Variants in PDE10A observed in about 807,000 individuals in gnomAD.
PDE10A encodes the protein phosphodiesterase 10A, also known as cAMP and cAMP-inhibited cGMP 3',5'-cyclic phosphodiesterase 10A.
In PDE10A, 39 loss-of-function variants were observed where a neutral mutation model predicts 97.7. The ratio of observed to expected loss-of-function variants is 0.40; its 90% CI spans 0.31 to 0.52. The LOEUF (loss-of-function observed/expected upper bound fraction) is 0.52. PDE10A is among the 20% of genes least tolerant of loss of function. PDE10A has a pLI of 0.56. For synonymous variants in PDE10A, 371 were observed against 376.8 expected, an observed-to-expected ratio of 0.98 and a Z score of 0.18; for missense variants, 731 against 1,047.8, an observed-to-expected ratio of 0.70 and a Z score of 4.17.
At chr6:165,538,324 T>C (rs1048759747) in intron 2 of PDE10A, among the ~76,000 whole-genome samples, 2 of 152,056 alleles carry the variant, frequency 1.3e-5, no homozygotes, top group African/African-American at 4.8e-5. Context: ...TACTAATTAT[T>C]TGAATTTATA....
At chr6:165,897,761 G>T (rs1415310381) in intron 1 of PDE10A, among the ~76,000 whole-genome samples, 1 of 151,890 alleles carries the variant, frequency 6.6e-6, no homozygotes, top group Non-Finnish European at 1.5e-5. Context: ...GCCTGTGGGT[G>T]CCTTTTCTCC....
At chr6:165,615,158 C>T (rs1273469655) in intron 1 of PDE10A, among the ~76,000 whole-genome samples, 2 of 146,550 alleles carry the variant, frequency 1.4e-5, no homozygotes, top group Admixed American at 6.9e-5. Context: ...TGCAGTGAGC[C>T]GAGATCACAC....
intron 2 of PDE10A, among the ~76,000 whole-genome samples, chr6:165,521,069 T>C (rs1782100234): frequency 6.6e-6 from 1 of 152,196 alleles, no homozygotes; most frequent in African/African-American, 2.4e-5. Context: ...ACTTGGTGTC[T>C]GTGTGTCAAA....
intron 1 of PDE10A, among the ~76,000 whole-genome samples, chr6:165,640,471 C>G (rs977035596): frequency 2.6e-5 from 4 of 152,084 alleles, no homozygotes; most frequent in Non-Finnish European, 5.9e-5. Context: ...TCAGGTAACT[C>G]CAAAATGGGA....
At chr6:165,886,292 C>CAGGCCTGG (rs1781630840) in intron 1 of PDE10A, among the ~76,000 whole-genome samples, 1 of 149,832 alleles carries the variant, frequency 6.7e-6, no homozygotes, top group East Asian at 2.0e-4. Context: ...TGGAGTCCTG[C>CAGGCCTGG]AGCCCTGGAG....
intron 5 of PDE10A, among the ~76,000 whole-genome samples, chr6:165,445,257 T>G (rs1790761549): frequency 6.6e-6 from 1 of 152,248 alleles, no homozygotes; most frequent in Non-Finnish European, 1.5e-5. Flanking sequence ...ATTTGAAATT[T>G]ATTTAAAGGC....
chr6:165,355,053 T>G (rs1396790190), intron 18 of PDE10A, among the ~76,000 whole-genome samples: 2 of 152,198 alleles, frequency 1.3e-5, no homozygotes, highest in Non-Finnish European at 2.9e-5. Context: ...CACCTCACAG[T>G]GAGATAAGAT....
At chr6:165,567,192 C>T (rs756500295) in intron 1 of PDE10A, among the ~76,000 whole-genome samples, 4 of 152,034 alleles carry the variant, frequency 2.6e-5, no homozygotes, top group Non-Finnish European at 5.9e-5. Context: ...AGAAACCAGA[C>T]ACAAAAGATA....
chr6:165,935,987 C>A (rs1327741141), intron 1 of PDE10A, among the ~76,000 whole-genome samples: 1 of 152,196 alleles, frequency 6.6e-6, no homozygotes, highest in Admixed American at 6.5e-5. Context: ...CAGCACAAAA[C>A]AAACTAAGAC....
intron 1 of PDE10A, among the ~76,000 whole-genome samples, chr6:165,676,660 C>G (rs1790804359): frequency 6.6e-6 from 1 of 152,186 alleles, no homozygotes. Flanking sequence ...GTGACCCGGC[C>G]AGCTCACGGG....
At chr6:165,764,273 T>C (rs1392071042) in intron 1 of PDE10A, among the ~76,000 whole-genome samples, 1 of 152,236 alleles carries the variant, frequency 6.6e-6, no homozygotes, top group Non-Finnish European at 1.5e-5. Context: ...AAGGATAATA[T>C]TAGTGCTTTC....
chr6:165,744,006 C>T (rs573798001), intron 1 of PDE10A, among the ~76,000 whole-genome samples: 2 of 152,240 alleles, frequency 1.3e-5, no homozygotes, highest in South Asian at 2.1e-4. Context: ...ACTGTGACTT[C>T]GGAGAATGAT....
At chr6:165,505,417 G>A (rs2128297560) in intron 2 of PDE10A, among the ~76,000 whole-genome samples, 1 of 152,070 alleles carries the variant, frequency 6.6e-6, no homozygotes, top group Non-Finnish European at 1.5e-5. Flanking sequence ...AACATAATAA[G>A]CCAACCACTG....
chr6:165,744,734 G>A (rs1792806369), intron 1 of PDE10A, among the ~76,000 whole-genome samples: 1 of 151,952 alleles, frequency 6.6e-6, no homozygotes, highest in African/African-American at 2.4e-5. Context: ...CCCTTGGGGT[G>A]TTATGTGATG....
chr6:165,679,568 C>G (rs528110371), intron 1 of PDE10A, among the ~76,000 whole-genome samples: 4 of 152,350 alleles, frequency 2.6e-5, no homozygotes, highest in African/African-American at 9.6e-5. Flanking sequence ...CCCACACTGT[C>G]ACAGCACAGG....
At chr6:165,341,820 G>A (rs73788353) in intron 19 of PDE10A, among the ~76,000 whole-genome samples, 2,147 of 152,262 alleles carry the variant, frequency 0.014, 54 homozygotes, top group East Asian at 0.091. Context: ...CAAGAACCAC[G>A]AGAGATCACT....
intron 1 of PDE10A, among the ~76,000 whole-genome samples, chr6:165,793,369 A>G (rs1036324274): frequency 4.0e-5 from 6 of 151,476 alleles, no homozygotes; most frequent in Non-Finnish European, 7.4e-5. Context: ...CTGTCATCAG[A>G]AAAAAAAATA....
chr6:165,552,132 C>T (rs1005656495), intron 1 of PDE10A, among the ~76,000 whole-genome samples: 1 of 152,180 alleles, frequency 6.6e-6, no homozygotes, highest in African/African-American at 2.4e-5. Flanking sequence ...TCATTGTACC[C>T]TCCTCCTCCT....
In PDE10A at chr6:165,483,329, T is replaced by C. The variant is rs147548000; in HGVS notation, c.995-986A>G. Among the ~76,000 whole-genome samples, 918 of 152,342 alleles carry C rather than the reference T, an allele frequency of 6.0e-3. 3 individuals are homozygous for C. Among genetic ancestry groups the C allele is most frequent in the Admixed American group, 0.018 (276 of 15,308 alleles). ...GGACAGCAGGTATTCAAATCAACAG[T>C]ACCTAGTTTTTGTATTACTGTATTA... is the stretch of plus-strand genomic sequence containing the variant. On this transcript the variant is annotated intron_variant, in intron 2 of 21. Transcript: ENST00000539869.
Sources: gnomAD v4.1 joint callset for allele counts (sites outside exome capture counted in the v4.1 genomes callset) on GRCh38, gnomAD v4.1.1 for gene constraint, MANE v1.5 for transcripts, NCBI Gene and HGNC (gene_info 2026-07-23, HGNC 2026-07-21) for gene names.